Variants in JARID2 observed in about 807,000 individuals in gnomAD.
The protein encoded by JARID2 is jumonji and AT-rich interaction domain containing 2.
Under a neutral mutation model 125.6 loss-of-function variants are expected in JARID2, and 21 were observed. The ratio of observed to expected loss-of-function variants is 0.17; its 90% CI spans 0.12 to 0.24. The LOEUF is 0.24. Among genes scored for constraint, JARID2 ranks in the 10% least tolerant of loss-of-function variants. JARID2 has a pLI of 1.00. For missense variants in JARID2, 1,303 were observed against 1,639.6 expected, an observed-to-expected ratio of 0.79 and a Z score of 3.55; for synonymous variants, 736 against 661.6, an observed-to-expected ratio of 1.11 and a Z score of -1.73.
intron 8 of JARID2, among the ~76,000 whole-genome samples, chr6:15,504,037 T>G (rs1012898279): frequency 6.6e-6 from 1 of 152,158 alleles, no homozygotes; most frequent in Non-Finnish European, 1.5e-5. Context: ...GGTGTAGATG[T>G]CGCACCAGTT....
chr6:15,417,598 G>A (rs1465585297), intron 3 of JARID2, among the ~76,000 whole-genome samples: 1 of 152,148 alleles, frequency 6.6e-6, no homozygotes, highest in Non-Finnish European at 1.5e-5. Flanking sequence ...AAAAAAATTA[G>A]CTGGGCCTGT....
chr6:15,452,718 C>T (rs573776836), intron 4 of JARID2, among the ~76,000 whole-genome samples: 2 of 152,268 alleles, frequency 1.3e-5, no homozygotes, highest in Non-Finnish European at 2.9e-5. Flanking sequence ...GACCAGTTAA[C>T]GGAGGCCAGG....
chr6:15,389,079 C>A (rs1256950509), intron 2 of JARID2, among the ~76,000 whole-genome samples: 1 of 152,166 alleles, frequency 6.6e-6, no homozygotes, highest in Admixed American at 6.5e-5. Context: ...CTTTCCATGG[C>A]TCTCAAAGTT....
chr6:15,454,988 A>G (rs1768091772), intron 4 of JARID2, among the ~76,000 whole-genome samples: 1 of 152,132 alleles, frequency 6.6e-6, no homozygotes, highest in African/African-American at 2.4e-5. Flanking sequence ...TGTACTCAGA[A>G]GGATGTATTT....
At chr6:15,466,165 AAC>A (rs1768725793) in intron 4 of JARID2, among the ~76,000 whole-genome samples, 1 of 152,094 alleles carries the variant, frequency 6.6e-6, no homozygotes, top group Non-Finnish European at 1.5e-5. Context: ...TTTCCTTTGC[AAC>A]AGAGGGGAGA....
At chr6:15,457,723 C>CT (rs1768253883) in intron 4 of JARID2, among the ~76,000 whole-genome samples, 1 of 149,968 alleles carries the variant, frequency 6.7e-6, no homozygotes, top group African/African-American at 2.5e-5. Context: ...GAGTGGAGTT[C>CT]TTTAAACCTT....
At chr6:15,491,826 A>G (rs996118597) in intron 6 of JARID2, among the ~76,000 whole-genome samples, 3 of 152,332 alleles carry the variant, frequency 2.0e-5, no homozygotes, top group Non-Finnish European at 4.4e-5. Flanking sequence ...ATATTCTTAA[A>G]GCAAGCACAC....
chr6:15,498,722 C>T (rs532271871), intron 7 of JARID2, among the ~76,000 whole-genome samples: 3 of 152,366 alleles, frequency 2.0e-5, no homozygotes, highest in African/African-American at 7.2e-5. Flanking sequence ...GAGTGACAGT[C>T]ACCTTAACTT....
At chr6:15,255,019 A>G (rs1171494587) in intron 1 of JARID2, among the ~76,000 whole-genome samples, 3 of 151,416 alleles carry the variant, frequency 2.0e-5, no homozygotes, top group Non-Finnish European at 4.4e-5. Flanking sequence ...AAAACAAAAC[A>G]AAAAACAAAA....
intron 1 of JARID2, among the ~76,000 whole-genome samples, chr6:15,264,651 GAGAT>G (rs1030734165): frequency 4.0e-5 from 6 of 149,166 alleles, no homozygotes; most frequent in East Asian, 1.9e-4. Flanking sequence ...GAGAGAGAGA[GAGAT>G]AGAGAGAGAG....
intron 1 of JARID2, among the ~76,000 whole-genome samples, chr6:15,349,376 C>T (rs991262611): frequency 6.6e-6 from 1 of 152,122 alleles, no homozygotes; most frequent in African/African-American, 2.4e-5. Flanking sequence ...TAATTAGTTA[C>T]GTGTGTGAAG....
chr6:15,398,258 A>ACT (rs1765291208), intron 2 of JARID2, among the ~76,000 whole-genome samples: 1 of 152,152 alleles, frequency 6.6e-6, no homozygotes, highest in Admixed American at 6.5e-5. Context: ...TATTCAGAGG[A>ACT]CTTTGGTTTA....
intron 2 of JARID2, among the ~76,000 whole-genome samples, chr6:15,407,397 T>A (rs1311880497): frequency 6.6e-6 from 1 of 152,214 alleles, no homozygotes; most frequent in Non-Finnish European, 1.5e-5. Flanking sequence ...CACTTCTCTT[T>A]ACAGTCACCC....
intron 1 of JARID2, among the ~76,000 whole-genome samples, chr6:15,360,002 A>C (rs1199645014): frequency 6.6e-6 from 1 of 151,986 alleles, no homozygotes; most frequent in Non-Finnish European, 1.5e-5. Context: ...ATGAATTTCT[A>C]AGTCCTCCAC....
chr6:15,374,935 A>G (rs935250028), intron 2 of JARID2, among the ~76,000 whole-genome samples: 7 of 152,212 alleles, frequency 4.6e-5, no homozygotes, highest in Non-Finnish European at 7.3e-5. Flanking sequence ...TCCCCTGTGT[A>G]CTTATCAGGA....
chr6:15,456,597 T>A (rs1768186963), intron 4 of JARID2, among the ~76,000 whole-genome samples: 1 of 152,254 alleles, frequency 6.6e-6, no homozygotes, highest in African/African-American at 2.4e-5. Context: ...ACCATTTTTT[T>A]TTCCCGGGAG....
At chr6:15,324,237 C>A (rs1424462868) in intron 1 of JARID2, 1 of 151,566 alleles carries the variant, frequency 6.6e-6, no homozygotes, top group Non-Finnish European at 1.5e-5. Flanking sequence ...TTGTATGAAG[C>A]CCAAGGTATT....
chr6:15,453,125 C>CA (rs1767997021), intron 4 of JARID2, among the ~76,000 whole-genome samples: 1 of 152,188 alleles, frequency 6.6e-6, no homozygotes, highest in South Asian at 2.1e-4. Context: ...CTATAACTGT[C>CA]AAAGTTAAGA....
At chr6:15,315,763 G>A (rs541027671) in intron 1 of JARID2, among the ~76,000 whole-genome samples, 138 of 152,244 alleles carry the variant, frequency 9.1e-4, no homozygotes, top group African/African-American at 3.2e-3. Flanking sequence ...AAAATTGTTA[G>A]CAGAACTGGG....
Sources: allele counts gnomAD v4.1 joint callset (sites outside exome capture counted in the v4.1 genomes callset), GRCh38; gene constraint gnomAD v4.1.1; transcripts MANE v1.5; gene names NCBI Gene and HGNC (gene_info 2026-07-23, HGNC 2026-07-21).